The following DACH1 variants were observed in gnomAD, a reference collection of about 807,000 sequenced individuals.
DACH1 encodes dachshund family transcription factor 1, also known as dachshund homolog 1.
Under a neutral mutation model 54.2 loss-of-function variants are expected in DACH1, and 12 were observed. The observed-to-expected ratio is 0.22, with a 90% CI of 0.14 to 0.36. DACH1 has a LOEUF of 0.36. Among genes scored for constraint, DACH1 ranks in the 10% least tolerant of loss-of-function variants. The pLI, the probability that DACH1 is intolerant of heterozygous loss-of-function variation, is 1.00. For missense variants in DACH1, 805 were observed against 929.8 expected (o/e 0.87, Z 1.75); for synonymous variants, 386 against 366.2 (o/e 1.05, Z -0.62).
intron 7 of DACH1, among the ~76,000 whole-genome samples, chr13:71,487,517 C>T (rs1408088728): frequency 6.6e-6 from 1 of 151,884 alleles, no homozygotes; most frequent in Non-Finnish European, 1.5e-5. Context: ...ATGAATACTC[C>T]AAACTGAGAG....
intron 6 of DACH1, among the ~76,000 whole-genome samples, chr13:71,527,201 T>G (rs1052803035): frequency 3.3e-5 from 5 of 151,790 alleles, no homozygotes; most frequent in Admixed American, 3.3e-4. Flanking sequence ...TTAATTTAAT[T>G]TAAATTAAAA....
intron 2 of DACH1, among the ~76,000 whole-genome samples, chr13:71,669,138 A>G (rs1171769090): frequency 6.6e-6 from 1 of 152,184 alleles, no homozygotes; most frequent in Non-Finnish European, 1.5e-5. Flanking sequence ...CACACTTTGC[A>G]AAGTGTTTTG....
At chr13:71,825,002 C>T (rs1216307518) in intron 1 of DACH1, among the ~76,000 whole-genome samples, 1 of 151,900 alleles carries the variant, frequency 6.6e-6, no homozygotes, top group African/African-American at 2.4e-5. Context: ...AGGAGGCCCC[C>T]ACAGGAGAAA....
intron 1 of DACH1, among the ~76,000 whole-genome samples, chr13:71,761,816 A>T (rs1310351287): frequency 6.6e-6 from 1 of 152,110 alleles, no homozygotes; most frequent in Non-Finnish European, 1.5e-5. Context: ...GGAGTAGGGG[A>T]TCCTTATATT....
At chr13:71,577,627 GA>G (rs1208121676) in intron 3 of DACH1, among the ~76,000 whole-genome samples, 1 of 151,998 alleles carries the variant, frequency 6.6e-6, no homozygotes. Flanking sequence ...GAGACCACAG[GA>G]AAAATTGTAT....
chr13:71,673,277 CT>C (rs936460436), intron 2 of DACH1, among the ~76,000 whole-genome samples: 127 of 152,124 alleles, frequency 8.3e-4, no homozygotes, highest in African/African-American at 3.0e-3. Flanking sequence ...TTATGAATAT[CT>C]ATGCTAGTAA....
chr13:71,785,747 A>G lies in DACH1; in HGVS notation c.848+80175T>C, dbSNP rs151110164. ...TCCCAATCCCTAGAAAGGTATCTTC[A>G]CTTTTTCCACCCAGCATCTTTATTC... is the stretch of plus-strand genomic sequence containing the variant. On this transcript the variant is annotated intron_variant, in intron 1 of 10. Coordinates refer to ENST00000613252, the MANE Select transcript of DACH1 (RefSeq NM_080759.6). 6.3e-4 allele frequency among the ~76,000 whole-genome samples: 96 copies of G among 152,326 alleles called. 3 individuals carry two copies. The East Asian group carries it at 0.018, about 28-fold the overall frequency.
At chr13:71,742,998 T>G (rs1884461046) in intron 1 of DACH1, among the ~76,000 whole-genome samples, 1 of 152,176 alleles carries the variant, frequency 6.6e-6, no homozygotes, top group African/African-American at 2.4e-5. Flanking sequence ...ACTTCTTGAT[T>G]GGACAACTTT....
intron 1 of DACH1, among the ~76,000 whole-genome samples, chr13:71,756,828 T>C (rs1303256927): frequency 6.6e-6 from 1 of 152,176 alleles, no homozygotes; most frequent in Admixed American, 6.5e-5. Flanking sequence ...ATAGAAAGTT[T>C]GCTTTAAATC....
At chr13:71,515,097 CAT>C (rs1487937501) in intron 6 of DACH1, among the ~76,000 whole-genome samples, 4 of 151,790 alleles carry the variant, frequency 2.6e-5, no homozygotes, top group East Asian at 1.9e-4. Context: ...TTTAATCACA[CAT>C]GTTATGATAT....
At position 71,572,926 on chromosome 13, in the gene DACH1, T is replaced by C. The variant is rs1419099785; in HGVS notation, c.1213A>G (p.Met405Val). The C allele has an allele frequency of 1.9e-6, 3 of 1,614,022 alleles. No individual in the cohort carries two copies. Among genetic ancestry groups the C allele is most frequent in the Non-Finnish European group, 2.5e-6 (3 of 1,180,008 alleles). ...TTTGCAATGGTGCTGAGGTGGTTCA[T>C]CTGGCTCATTGCCATGGTGACAGAT... Reference protein sequence around the residue: ...PASVTMAMSQMNHLSTIANMA... With the variant: ...PASVTMAMSQVNHLSTIANMA... Residue 405 changes from methionine to valine, a missense_variant, in exon 4 of 11, where the codon ATG becomes GTG. By Grantham distance (21) the Met-to-Val change is conservative. Coordinates refer to ENST00000613252, the MANE Select transcript of DACH1 (RefSeq NM_080759.6).
intron 6 of DACH1, among the ~76,000 whole-genome samples, chr13:71,533,769 A>AACAC (rs141125520): frequency 1.7e-3 from 254 of 148,194 alleles, no homozygotes; most frequent in African/African-American, 6.0e-3. Context: ...CACACACACA[A>AACAC]ACACACACAC....
chr13:71,498,055 AT>A (rs1029245086), intron 6 of DACH1, among the ~76,000 whole-genome samples: 11 of 152,280 alleles, frequency 7.2e-5, no homozygotes, highest in South Asian at 2.1e-4. Context: ...AGAAAAAAAA[AT>A]ATATGGGAAT....
In DACH1 at chr13:71,866,319, T is replaced by C; in HGVS notation, c.451A>G (p.Ser151Gly). The change falls in exon 1 of 11, where the codon AGC becomes GGC. Residue 151 changes from serine to glycine, a missense_variant. Physicochemically the swap from Ser to Gly is moderately conservative, Grantham distance 56 (BLOSUM62 0). Transcript: ENST00000613252. ...SSSSSSSSSS[S>G]SSSSSSSSSS... ...CTGCTGCTGCTGCTACTACTGCTGC[T>C]GCTGCTGCTGCTGCTACTGCTGCTG... The C allele has an allele frequency of 1.9e-6, 3 of 1,543,330 alleles. No homozygotes were observed. The highest frequency in any genetic ancestry group is 2.6e-6 in the Non-Finnish European group (3 of 1,143,988).
intron 1 of DACH1, among the ~76,000 whole-genome samples, chr13:71,760,987 A>G (rs1270038414): frequency 6.6e-6 from 1 of 152,118 alleles, no homozygotes; most frequent in Non-Finnish European, 1.5e-5. Flanking sequence ...CACCAATGTT[A>G]TCTTAAATCC....
chr13:71,470,402 A>T (rs1467756448), intron 10 of DACH1, among the ~76,000 whole-genome samples: 2 of 151,708 alleles, frequency 1.3e-5, no homozygotes, highest in Non-Finnish European at 2.9e-5. Flanking sequence ...TCTGCCTCAA[A>T]GGTTCAAGTG....
intron 2 of DACH1, among the ~76,000 whole-genome samples, chr13:71,657,566 C>T (rs1879201795): frequency 8.8e-6 from 1 of 113,616 alleles, no homozygotes; most frequent in Non-Finnish European, 1.8e-5. Context: ...GATTGAGACC[C>T]TGTCTCAAAT....
chr13:71,466,453 C>T (rs1202441347), intron 10 of DACH1, among the ~76,000 whole-genome samples: 1 of 152,152 alleles, frequency 6.6e-6, no homozygotes, highest in Non-Finnish European at 1.5e-5. Flanking sequence ...TAAACTTCCA[C>T]TTTCAATCCA....
In DACH1 at chr13:71,719,986, A is replaced by T. The variant is rs577046994; in HGVS notation, c.849-38076T>A. Among the ~76,000 whole-genome samples the T allele has an allele frequency of 9.8e-5, 15 of 152,330 alleles. No individual in the cohort carries two copies. In the East Asian group the frequency reaches 2.9e-3, roughly 29 times the overall value. ...AATATTTATTGAGAGTTTATTACGT[A>T]CTGGGGAAGAATCTAGGTGAAGAAA... On this transcript the variant is annotated intron_variant, in intron 1 of 10. Transcript: ENST00000613252.
Sources: gnomAD v4.1 joint callset for allele counts (sites outside exome capture counted in the v4.1 genomes callset) on GRCh38, gnomAD v4.1.1 for gene constraint, MANE v1.5 for transcripts, NCBI Gene and HGNC (gene_info 2026-07-23, HGNC 2026-07-21) for gene names.